Variants in LCK observed in about 807,000 individuals in gnomAD.
The protein encoded by LCK is LCK proto-oncogene, Src family tyrosine kinase.
In LCK, 14 loss-of-function variants were observed where a neutral mutation model predicts 64.6. That is an observed-to-expected ratio of 0.22 (90% CI 0.14 to 0.34). The LOEUF (loss-of-function observed/expected upper bound fraction) is 0.34. Ranked by LOEUF, LCK falls within the 10% of genes least tolerant of loss-of-function variation. The pLI is 1.00. For missense variants in LCK, 434 were observed against 668.1 expected (o/e 0.65, Z 3.86); for synonymous variants, 277 against 263.6 (o/e 1.05, Z -0.49).
chr1:32,282,351 G>A (rs1043174182), intron 12 of LCK, among the ~76,000 whole-genome samples: 1 of 152,184 alleles, frequency 6.6e-6, no homozygotes, highest in African/African-American at 2.4e-5. Flanking sequence ...GGGAGAAATG[G>A]GGACCTTGGT....
At chr1:32,282,298 T>C (rs959719919) in intron 12 of LCK, among the ~76,000 whole-genome samples, 1 of 152,164 alleles carries the variant, frequency 6.6e-6, no homozygotes, top group Non-Finnish European at 1.5e-5. Flanking sequence ...AGCATGATGA[T>C]AAATGGCAAC....
rs752391858 is a variant in LCK at position 32,275,131 on chromosome 1, G to C, written c.278+48G>C. ...CTGGCGGAGTCCGTGAGGGAGCGGC[G>C]ATCTCCGCGACCCGCAGCCCTCCTG... On this transcript the variant is annotated intron_variant, in intron 4 of 12. Coordinates refer to ENST00000336890, the MANE Select transcript of LCK (RefSeq NM_005356.5). This position sits in a 1 kb window ranked among gnomAD's most constrained non-coding sequence, Gnocchi z 6.9. 9.0e-6 allele frequency: 14 copies of C among 1,549,888 alleles called. No individual in the cohort carries two copies. In the South Asian group the frequency reaches 1.4e-4, roughly 15 times the overall value.
rs1640246132 is a variant in LCK at position 32,275,767 on chromosome 1, G to A, written c.481+95G>A. 1.2e-5 allele frequency: 17 copies of A among 1,400,890 alleles called. No homozygotes were observed. Among genetic ancestry groups the A allele is most frequent in the African/African-American group, 1.4e-5 (1 of 70,308 alleles). The allele number at this position is 1,400,890 out of a possible 1,614,324, so 86.8% of individuals were successfully genotyped here. ...AGCCCGAGGTGGAGACACGGGGTGA[G>A]TCGGAGGGGGACGCGGGATGAGCCC... is the stretch of plus-strand genomic sequence containing the variant. On this transcript the variant is annotated intron_variant, in intron 6 of 12. Coordinates refer to ENST00000336890, the MANE Select transcript of LCK (RefSeq NM_005356.5). The surrounding 1 kb of genome is among the most constrained non-coding windows in gnomAD (Gnocchi z 6.9).
In LCK at chr1:32,275,320, G is replaced by C; in HGVS notation, c.279-1G>C. 1 of 1,614,192 alleles carries C rather than the reference G, an allele frequency of 6.2e-7. No individual in the cohort carries two copies. Among genetic ancestry groups the C allele is most frequent in the Non-Finnish European group, 8.5e-7 (1 of 1,180,012 alleles). On this transcript the variant is annotated splice_acceptor_variant, in intron 4 of 12. Coordinates refer to ENST00000336890, the MANE Select transcript of LCK (RefSeq NM_005356.5). LOFTEE classifies it high-confidence loss of function. The surrounding 1 kb of genome is among the most constrained non-coding windows in gnomAD (Gnocchi z 6.9). ...CACACTGACCCACCTCCGTGGCGCA[G>C]GAGCGGCGAGTGGTGGAAGGCGCAG... is the stretch of plus-strand genomic sequence containing the variant.
At chr1:32,253,136 C>A (rs1183970057) in intron 1 of LCK, among the ~76,000 whole-genome samples, 2 of 152,236 alleles carry the variant, frequency 1.3e-5, no homozygotes, top group East Asian at 3.9e-4. Context: ...GAGGCTGAGG[C>A]GGGCAGATCA....
At chr1:32,274,930 C>T (rs1398533038) in intron 3 of LCK, 63 bp from the exon 4 acceptor site, 1 of 1,614,164 alleles carries the variant, frequency 6.2e-7, no homozygotes, top group Admixed American at 1.7e-5. Context: ...GTCCCCCACC[C>T]TGTAACTCCA....
intron 3 of LCK, 69 bp from the exon 4 acceptor site, chr1:32,274,924 C>T (rs1640210005): frequency 1.9e-6 from 3 of 1,614,126 alleles, no homozygotes; most frequent in Non-Finnish European, 2.5e-6. Flanking sequence ...TTCCTTGTCC[C>T]CCACCCTGTA....
intron 1 of LCK, chr1:32,273,994 A>C: frequency 2.6e-6 from 1 of 378,374 alleles, no homozygotes. Flanking sequence ...AACACAGGGT[A>C]CTGGCAGAGG....
At chr1:32,269,735 A>G (rs1014995489) in intron 1 of LCK, 1 of 151,618 alleles carries the variant, frequency 6.6e-6, no homozygotes, top group African/African-American at 2.4e-5. Flanking sequence ...CCCAGCCGAG[A>G]CTCTATTAAA....
Position 32,279,952 on chromosome 1 carries a change from C to T in LCK, c.1153C>T (p.Leu385=), listed in dbSNP as rs145374851. Residue 385 remains leucine (L), a synonymous_variant, in exon 11 of 13, where the codon CTA becomes TTA. Transcript: ENST00000336890. ...GAGCTGCAAGATTGCAGACTTTGGC[C>T]TAGCACGCCTCATTGAGGACAACGA... ...TLSCKIADFG[L]ARLIEDNEYT... 1.9e-6 allele frequency: 3 copies of T among 1,614,066 alleles called. No homozygotes were observed. The African/African-American group carries it at 4.0e-5, about 22-fold the overall frequency.
Position 32,274,584 on chromosome 1 carries a change from G to A in LCK, c.105+150G>A, listed in dbSNP as rs1369421071. ...GGAAAAGAGGCCCAGAGAGGGGAAG[G>A]GAATCTCCTAAGATCACACAGAAAG... On this transcript the variant is annotated intron_variant, in intron 2 of 12. Coordinates refer to ENST00000336890, the MANE Select transcript of LCK (RefSeq NM_005356.5). 1.6e-5 allele frequency: 14 copies of A among 889,812 alleles called. No individual in the cohort carries two copies. In the East Asian group the frequency reaches 3.4e-4, roughly 21 times the overall value. The allele number at this position is 889,812 out of a possible 1,614,324, so 55.1% of individuals were successfully genotyped here. A position where few individuals can be genotyped will look rare whatever the true frequency, so the allele number is the denominator to read the frequency against.
At position 32,276,400 on chromosome 1, in the gene LCK, C is replaced by T. The variant is rs1640272054; in HGVS notation, c.695C>T (p.Pro232Leu). Reference sequence around the variant, plus strand: ...TGCCAGACCCAGAAGCCCCAGAAGCCGTGGTGGGAGGACGAGTGGGAGGTT... The same window carrying T: ...TGCCAGACCCAGAAGCCCCAGAAGCTGTGGTGGGAGGACGAGTGGGAGGTT... Reference protein sequence around the residue: ...RPCQTQKPQKPWWEDEWEVPR... With the variant: ...RPCQTQKPQKLWWEDEWEVPR... Residue 232 changes from proline to leucine, a missense_variant, in exon 8 of 13, where the codon CCG becomes CTG. Transcript: ENST00000336890. This position sits in a 1 kb window ranked among gnomAD's most constrained non-coding sequence, Gnocchi z 4.6. The T allele has an allele frequency of 1.9e-6, 3 of 1,612,164 alleles. No individual in the cohort carries two copies. The highest frequency in any genetic ancestry group is 1.7e-6 in the Non-Finnish European group (2 of 1,179,832).
At chr1:32,285,281 A>G (rs997340058) in intron 12 of LCK, among the ~76,000 whole-genome samples, 4 of 152,196 alleles carry the variant, frequency 2.6e-5, no homozygotes, top group African/African-American at 9.6e-5. Context: ...AGCCTGGGCA[A>G]CAAGAGTGAA....
chr1:32,252,904 G>C (rs1639542823), intron 1 of LCK, among the ~76,000 whole-genome samples: 1 of 152,206 alleles, frequency 6.6e-6, no homozygotes, highest in African/African-American at 2.4e-5. Context: ...TACCACGAGG[G>C]CAGAGACCTC....
intron 1 of LCK, among the ~76,000 whole-genome samples, chr1:32,268,491 A>C (rs1557578439): frequency 6.6e-6 from 1 of 151,566 alleles, no homozygotes; most frequent in Non-Finnish European, 1.5e-5. Context: ...TTTTATAATA[A>C]TAATAATAAT....
At chr1:32,285,016 A>G (rs1398632338) in intron 12 of LCK, among the ~76,000 whole-genome samples, 1 of 151,754 alleles carries the variant, frequency 6.6e-6, no homozygotes, top group Non-Finnish European at 1.5e-5. Flanking sequence ...TTTTAAGTAA[A>G]TAATCAGGTG....
Position 32,276,104 on chromosome 1 carries a change from A to G in LCK, c.631+41A>G, listed in dbSNP as rs1301400934. 18 of 1,606,462 alleles carry G rather than the reference A, an allele frequency of 1.1e-5. No individual in the cohort carries two copies. The highest frequency in any genetic ancestry group is 1.4e-5 in the Non-Finnish European group (17 of 1,175,314). On this transcript the variant is annotated intron_variant, in intron 7 of 12. Coordinates refer to ENST00000336890, the MANE Select transcript of LCK (RefSeq NM_005356.5). This position sits in a 1 kb window ranked among gnomAD's most constrained non-coding sequence, Gnocchi z 4.6. The stretch of plus-strand genomic sequence containing the variant: ...CCCCTCCCCCGTGCCCTATCAGCCT[A>G]TCTCCCCTCAGTCCCCCTCAGGTGT...
chr1:32,262,869 A>G (rs1179347672), intron 1 of LCK, among the ~76,000 whole-genome samples: 26 of 103,236 alleles, frequency 2.5e-4, no homozygotes, highest in African/African-American at 3.9e-4. Flanking sequence ...AGGAAGGGAG[A>G]AAAAAAAAAA....
At chr1:32,259,598 C>T (rs377301338) in intron 1 of LCK, among the ~76,000 whole-genome samples, 3 of 150,198 alleles carry the variant, frequency 2.0e-5, no homozygotes, top group East Asian at 1.9e-4. Flanking sequence ...CCAGCCTGGG[C>T]GATAGAGTGA....
Sources: gnomAD v4.1 joint callset for allele counts (sites outside exome capture counted in the v4.1 genomes callset) on GRCh38, gnomAD v4.1.1 for gene constraint, Gnocchi (gnomAD v3.1) non-coding constraint, MANE v1.5 for transcripts, NCBI Gene and HGNC (gene_info 2026-07-23, HGNC 2026-07-21) for gene names.